The following WWOX variants were observed in gnomAD, a reference collection of about 807,000 sequenced individuals.
The protein encoded by WWOX is WW domain-containing oxidoreductase.
A neutral mutation model predicts 46.2 loss-of-function variants in WWOX; 69 were observed. The ratio of observed to expected loss-of-function variants is 1.49; its 90% CI spans 1.23 to 1.82. The LOEUF (loss-of-function observed/expected upper bound fraction) is 1.82. WWOX is among the 40% of genes most tolerant of loss of function. WWOX has a pLI of 0.00. For missense variants in WWOX, 919 were observed against 542.6 expected (o/e 1.69, Z -6.89); for synonymous variants, 359 against 202.6 (o/e 1.77, Z -6.56).
At chr16:78,860,728 C>T (rs184537993) in intron 8 of WWOX, among the ~76,000 whole-genome samples, 19 of 152,342 alleles carry the variant, frequency 1.2e-4, no homozygotes, top group Middle Eastern at 3.4e-3. Context: ...CTCTGCTGCA[C>T]TGCAAAATGT....
At chr16:78,230,590 A>T (rs2037227229) in intron 5 of WWOX, among the ~76,000 whole-genome samples, 1 of 152,232 alleles carries the variant, frequency 6.6e-6, no homozygotes, top group South Asian at 2.1e-4. Context: ...ACTTTCCAAA[A>T]AGAATACTAT....
At chr16:78,568,658 A>G (rs1012720831) in intron 8 of WWOX, among the ~76,000 whole-genome samples, 1 of 151,798 alleles carries the variant, frequency 6.6e-6, no homozygotes, top group African/African-American at 2.4e-5. Flanking sequence ...GTATTTTAGT[A>G]GAGGTGGGGT....
chr16:78,115,875 C>G (rs934853114), intron 4 of WWOX, among the ~76,000 whole-genome samples: 30 of 152,132 alleles, frequency 2.0e-4, no homozygotes, highest in African/African-American at 7.2e-4. Flanking sequence ...TCAGATTTGT[C>G]GACATATGAA....
intron 8 of WWOX, among the ~76,000 whole-genome samples, chr16:78,832,257 C>T (rs550666036): frequency 6.6e-6 from 1 of 152,112 alleles, no homozygotes; most frequent in Non-Finnish European, 1.5e-5. Context: ...ACCATGGGGG[C>T]CTCTCTGTAC....
At chr16:78,465,739 C>CA (rs1484024956) in intron 8 of WWOX, among the ~76,000 whole-genome samples, 1 of 152,184 alleles carries the variant, frequency 6.6e-6, no homozygotes, top group African/African-American at 2.4e-5. Flanking sequence ...TACCCACCAT[C>CA]AGAGGGCACC....
chr16:79,145,581 C>T (rs745497686), intron 8 of WWOX, among the ~76,000 whole-genome samples: 5 of 152,114 alleles, frequency 3.3e-5, no homozygotes, highest in Non-Finnish European at 5.9e-5. Flanking sequence ...TTCATGATAG[C>T]TGTCAATTGT....
intron 8 of WWOX, among the ~76,000 whole-genome samples, chr16:78,560,510 G>A (rs1033094831): frequency 1.3e-5 from 2 of 152,192 alleles, no homozygotes; most frequent in East Asian, 1.9e-4. Context: ...CGGGTGTGGC[G>A]GTGCATGCCT....
chr16:78,735,786 C>T (rs2049077670), intron 8 of WWOX, among the ~76,000 whole-genome samples: 1 of 151,962 alleles, frequency 6.6e-6, no homozygotes. Flanking sequence ...TGCCCCCTGC[C>T]TTGCTTTAGG....
chr16:78,769,073 G>T (rs2049996855), intron 8 of WWOX, among the ~76,000 whole-genome samples: 1 of 152,202 alleles, frequency 6.6e-6, no homozygotes, highest in African/African-American at 2.4e-5. Context: ...AGGCGCAGGG[G>T]CCACAAGGCC....
chr16:78,185,995 C>T (rs1296672292), intron 5 of WWOX, among the ~76,000 whole-genome samples: 1 of 152,092 alleles, frequency 6.6e-6, no homozygotes, highest in Non-Finnish European at 1.5e-5. Flanking sequence ...AACTTAAAGG[C>T]GGTGGCTAGC....
At chr16:78,755,372 G>C (rs2049617136) in intron 8 of WWOX, among the ~76,000 whole-genome samples, 1 of 152,140 alleles carries the variant, frequency 6.6e-6, no homozygotes, top group East Asian at 1.9e-4. Flanking sequence ...CAGGACTCCT[G>C]GTCCAGGTAA....
At chr16:79,056,272 C>G (rs1261567005) in intron 8 of WWOX, among the ~76,000 whole-genome samples, 1 of 150,784 alleles carries the variant, frequency 6.6e-6, no homozygotes, top group African/African-American at 2.4e-5. Flanking sequence ...CCCCAGAACA[C>G]TTAAACTTTG....
chr16:78,431,511 T>C (rs926299794), intron 7 of WWOX, among the ~76,000 whole-genome samples: 3 of 152,182 alleles, frequency 2.0e-5, no homozygotes, highest in Non-Finnish European at 4.4e-5. Context: ...GATATCTTTC[T>C]GTTTCCAAAA....
At chr16:78,998,443 ACAGT>A (rs1313256473) in intron 8 of WWOX, among the ~76,000 whole-genome samples, 1 of 152,180 alleles carries the variant, frequency 6.6e-6, no homozygotes, top group African/African-American at 2.4e-5. Flanking sequence ...AACTTGGAAG[ACAGT>A]CAGTTTTAAA....
intron 8 of WWOX, among the ~76,000 whole-genome samples, chr16:78,570,227 T>C (rs1261959847): frequency 6.6e-6 from 1 of 152,154 alleles, no homozygotes; most frequent in Non-Finnish European, 1.5e-5. Context: ...AGACTACGGG[T>C]CTGGGGCCCA....
intron 8 of WWOX, among the ~76,000 whole-genome samples, chr16:78,634,831 AGAGAGAGTGTGTGT>A (rs1449896434): frequency 5.3e-4 from 59 of 111,344 alleles, no homozygotes; most frequent in African/African-American, 1.2e-3. Context: ...AGAGAGAGAG[AGAGAGAGTGTGTGT>A]GTGTGTGTGT....
intron 8 of WWOX, among the ~76,000 whole-genome samples, chr16:78,669,959 G>A (rs2047421190): frequency 1.3e-5 from 2 of 152,092 alleles, no homozygotes; most frequent in Admixed American, 1.3e-4. Flanking sequence ...CAAAATGGTT[G>A]CCTTTTCTCC....
chr16:78,141,238 G>T (rs946181340), intron 4 of WWOX, among the ~76,000 whole-genome samples: 1 of 152,196 alleles, frequency 6.6e-6, no homozygotes, highest in Admixed American at 6.5e-5. Context: ...CTTTGGGTTT[G>T]TGATGGTTAA....
intron 8 of WWOX, among the ~76,000 whole-genome samples, chr16:78,828,173 G>T (rs1318636076): frequency 6.6e-6 from 1 of 152,162 alleles, no homozygotes; most frequent in Non-Finnish European, 1.5e-5. Context: ...AATCTAATCT[G>T]TACGCCCCAC....
Sources: gnomAD v4.1 joint callset for allele counts (sites outside exome capture counted in the v4.1 genomes callset) on GRCh38, gnomAD v4.1.1 for gene constraint, MANE v1.5 for transcripts, NCBI Gene and HGNC (gene_info 2026-07-23, HGNC 2026-07-21) for gene names.